Variants in FSHR observed in about 807,000 individuals in gnomAD.
FSHR encodes the protein follicle-stimulating hormone receptor.
In FSHR, 46 loss-of-function variants were observed where a neutral mutation model predicts 52.1. The observed-to-expected ratio is 0.88, with a 90% CI of 0.70 to 1.13. FSHR has a LOEUF of 1.13. Among genes scored for constraint, FSHR ranks in the 50% most tolerant of loss-of-function variants. The pLI, the probability that FSHR is intolerant of heterozygous loss-of-function variation, is 0.00. For missense variants in FSHR, 964 were observed against 834.6 expected, an observed-to-expected ratio of 1.16 and a Z score of -1.91; for synonymous variants, 399 against 309.6, an observed-to-expected ratio of 1.29 and a Z score of -3.03.
At chr2:49,150,882 A>G (rs530368247) in intron 1 of FSHR, among the ~76,000 whole-genome samples, 2 of 152,082 alleles carry the variant, frequency 1.3e-5, no homozygotes, top group Admixed American at 1.3e-4. Context: ...ATGTTTTTCT[A>G]TGGCCAGTAA....
chr2:49,022,636 A>G (rs1504187), intron 2 of FSHR, among the ~76,000 whole-genome samples: 102,742 of 151,910 alleles, frequency 0.68, 34,991 homozygotes, highest in East Asian at 0.74. Context: ...CTGTATGAGG[A>G]ACCAACTGTG....
At chr2:48,990,502 G>C (rs895020904) in intron 5 of FSHR, 64 bp downstream of exon 5, 5 of 1,049,952 alleles carry the variant, frequency 4.8e-6, no homozygotes, top group Non-Finnish European at 7.5e-6. Context: ...TAAAGGCCCA[G>C]ATAGCCGTTG....
chr2:48,968,575 C>T (rs554411132), intron 9 of FSHR, 123 bp downstream of exon 9: 2 of 1,170,286 alleles, frequency 1.7e-6, no homozygotes, highest in East Asian at 2.4e-5. Context: ...CAGAATGTGC[C>T]AAAGGGCTTG....
chr2:48,986,393 C>T (rs1411730868), intron 6 of FSHR, among the ~76,000 whole-genome samples: 20 of 124,066 alleles, frequency 1.6e-4, no homozygotes, highest in South Asian at 5.5e-4. Flanking sequence ...ATTTGCCATG[C>T]TTTTTTTTTT....
chr2:48,986,013 G>A (rs1313200013), intron 6 of FSHR, among the ~76,000 whole-genome samples: 1 of 152,176 alleles, frequency 6.6e-6, no homozygotes, highest in East Asian at 1.9e-4. Flanking sequence ...GCGCCCGGCC[G>A]CATGTACACG....
intron 4 of FSHR, among the ~76,000 whole-genome samples, chr2:49,005,266 G>A (rs1667039141): frequency 6.6e-6 from 1 of 152,114 alleles, no homozygotes; most frequent in Non-Finnish European, 1.5e-5. Flanking sequence ...TGCCTCCCTG[G>A]AGATGACCGG....
At chr2:49,145,130 T>C (rs142646505) in intron 1 of FSHR, among the ~76,000 whole-genome samples, 32 of 152,202 alleles carry the variant, frequency 2.1e-4, no homozygotes, top group African/African-American at 7.7e-4. Context: ...TATTTATCAA[T>C]ACAAGTAGTT....
chr2:49,063,631 G>A (rs566207215), intron 2 of FSHR, among the ~76,000 whole-genome samples: 1 of 152,242 alleles, frequency 6.6e-6, no homozygotes, highest in Non-Finnish European at 1.5e-5. Flanking sequence ...TGACTTCAAA[G>A]AAGCAGAGAG....
chr2:49,141,974 C>A (rs776329355), intron 1 of FSHR, among the ~76,000 whole-genome samples: 6 of 152,184 alleles, frequency 3.9e-5, no homozygotes, highest in Non-Finnish European at 7.3e-5. Context: ...ACAGTAATAG[C>A]TACAGTGCAA....
At chr2:48,993,589 CT>C (rs551091898) in intron 4 of FSHR, among the ~76,000 whole-genome samples, 50 of 152,274 alleles carry the variant, frequency 3.3e-4, no homozygotes, top group African/African-American at 1.2e-3. Context: ...TCTGGGCCTT[CT>C]TTTCAAAAAT....
chr2:49,078,921 G>A (rs1327714059), intron 1 of FSHR, among the ~76,000 whole-genome samples: 2 of 151,946 alleles, frequency 1.3e-5, no homozygotes, highest in African/African-American at 2.4e-5. Flanking sequence ...AATAAGAATA[G>A]AAAATGAAAA....
intron 8 of FSHR, among the ~76,000 whole-genome samples, chr2:48,977,835 T>C (rs1307718200): frequency 6.6e-6 from 1 of 152,194 alleles, no homozygotes; most frequent in Non-Finnish European, 1.5e-5. Flanking sequence ...TTTACTTTAT[T>C]CCTGCCCTTG....
intron 2 of FSHR, among the ~76,000 whole-genome samples, chr2:49,061,050 G>A (rs1669269940): frequency 6.6e-6 from 1 of 152,022 alleles, no homozygotes; most frequent in African/African-American, 2.4e-5. Context: ...CTTCTTCTGA[G>A]GGATCAAGGT....
intron 1 of FSHR, among the ~76,000 whole-genome samples, chr2:49,152,019 A>C (rs1040599000): frequency 6.6e-6 from 1 of 152,140 alleles, no homozygotes; most frequent in Non-Finnish European, 1.5e-5. Flanking sequence ...TGCAAAGCCA[A>C]ACTCTAAGAT....
At chr2:49,088,263 A>T (rs995423611) in intron 1 of FSHR, among the ~76,000 whole-genome samples, 1 of 152,194 alleles carries the variant, frequency 6.6e-6, no homozygotes, top group African/African-American at 2.4e-5. Flanking sequence ...GAGTGATAAC[A>T]AAACAGTTCT....
At chr2:49,036,917 G>A (rs1379088140) in intron 2 of FSHR, among the ~76,000 whole-genome samples, 7 of 152,128 alleles carry the variant, frequency 4.6e-5, no homozygotes, top group Non-Finnish European at 8.8e-5. Context: ...AATTATAAAA[G>A]TAACTCCATC....
chr2:49,012,587 A>G (rs1253839203), intron 4 of FSHR, among the ~76,000 whole-genome samples: 1 of 152,134 alleles, frequency 6.6e-6, no homozygotes, highest in African/African-American at 2.4e-5. Flanking sequence ...TAGGACATTC[A>G]AGTCAAGTAG....
intron 1 of FSHR, among the ~76,000 whole-genome samples, chr2:49,136,867 T>C (rs1672507554): frequency 6.6e-6 from 1 of 152,250 alleles, no homozygotes; most frequent in South Asian, 2.1e-4. Context: ...TTCCGCAGTC[T>C]GATAAAAAGT....
At chr2:49,038,262 T>C (rs968034670) in intron 2 of FSHR, among the ~76,000 whole-genome samples, 1 of 151,950 alleles carries the variant, frequency 6.6e-6, no homozygotes, top group East Asian at 1.9e-4. Flanking sequence ...AAGAAACAAA[T>C]AGAGTTTAAG....
Sources: gnomAD v4.1 joint callset for allele counts (sites outside exome capture counted in the v4.1 genomes callset) on GRCh38, gnomAD v4.1.1 for gene constraint, MANE v1.5 for transcripts, NCBI Gene and HGNC (gene_info 2026-07-23, HGNC 2026-07-21) for gene names.